UBE2QL1: variants seen among roughly 807,000 people sequenced by gnomAD.
UBE2QL1 encodes the protein ubiquitin-conjugating enzyme E2Q-like protein 1.
UBE2QL1 carries 5 observed loss-of-function variants against 12.6 expected under a neutral mutation model. The observed-to-expected ratio is 0.40, with a 90% confidence interval of 0.21 to 0.83. The LOEUF is 0.83. Ranked by LOEUF, UBE2QL1 falls within the 40% of genes least tolerant of loss-of-function variation. The pLI is 0.37. For synonymous variants in UBE2QL1, 96 were observed against 94.5 expected (o/e 1.02, Z -0.10); for missense variants, 99 against 222.6 (o/e 0.44, Z 3.53).
intron 1 of UBE2QL1, among the ~76,000 whole-genome samples, chr5:6,450,684 GA>G (rs1221524154): frequency 6.6e-6 from 1 of 152,136 alleles, no homozygotes; most frequent in Non-Finnish European, 1.5e-5. Context: ...GAACCCCTGG[GA>G]TTCCAAACAA....
At position 6,491,343 on chromosome 5, in the gene UBE2QL1, C is replaced by T. The variant is rs1734565138; in HGVS notation, c.480C>T (p.Asp160=). ...GTTGGGTCACCCCGCCCGTGTCCGA[C>T]GGCTGATGTCTGCCACGTGCAGTAG... ...KYGWVTPPVS[D]G is the part of the protein sequence containing the mutation. Residue 160 remains aspartate, a synonymous_variant, in exon 2 of 2, where the codon GAC becomes GAT. Coordinates refer to ENST00000399816, the MANE Select transcript of UBE2QL1 (RefSeq NM_001145161.3). 7 of 1,549,898 alleles carry T rather than the reference C, an allele frequency of 4.5e-6. No homozygotes were observed. Among genetic ancestry groups the T allele is most frequent in the Admixed American group, 3.9e-5 (2 of 50,710 alleles).
rs186544187 is a variant in UBE2QL1 at position 6,494,386 on chromosome 5, C to T, written c.*3037C>T. ...CCACTACTCAGAAAAACCAGGGTGT[C>T]GGCTTAAAGTTTTCAGCTCCATCTA... On this transcript the variant is annotated 3_prime_UTR_variant, in exon 2 of 2. Coordinates refer to ENST00000399816, the MANE Select transcript of UBE2QL1 (RefSeq NM_001145161.3). The T allele has an allele frequency of 5.3e-5, 8 of 152,254 alleles. No homozygotes were observed. The South Asian group carries it at 6.2e-4, about 12-fold the overall frequency. 9.4% of individuals were successfully genotyped at this position (152,254 alleles called of 1,614,324 possible).
chr5:6,449,689 A>C (rs1404303507), intron 1 of UBE2QL1, among the ~76,000 whole-genome samples: 28 of 100,258 alleles, frequency 2.8e-4, no homozygotes, highest in Admixed American at 8.4e-4. Context: ...TTCCTTTTTC[A>C]TTTTTTCCTT....
chr5:6,470,037 T>A (rs2126349349), intron 1 of UBE2QL1, among the ~76,000 whole-genome samples: 1 of 152,334 alleles, frequency 6.6e-6, no homozygotes, highest in Admixed American at 6.5e-5. Context: ...GGCCGCAGTG[T>A]TCAGAGCCCA....
In UBE2QL1 at chr5:6,491,769, T is replaced by A. The variant is rs1421131702; in HGVS notation, c.*420T>A. The A allele has an allele frequency of 6.4e-6, 1 of 156,734 alleles. No homozygotes were observed. The highest frequency in any genetic ancestry group is 1.4e-5 in the Non-Finnish European group (1 of 70,840). 9.7% of individuals were successfully genotyped at this position (156,734 alleles called of 1,614,324 possible). A position where few individuals can be genotyped will look rare whatever the true frequency, so the allele number is the denominator to read the frequency against. On this transcript the variant is annotated 3_prime_UTR_variant, in exon 2 of 2. Transcript: ENST00000399816. ...ATATTTCACAGGGACGCCGTGCATCTCCGCCGTGCGTCCCCGGCACGTGTT... is the reference window on the plus strand; with the variant it reads ...ATATTTCACAGGGACGCCGTGCATCACCGCCGTGCGTCCCCGGCACGTGTT...
chr5:6,458,628 T>G (rs1468226692), intron 1 of UBE2QL1, among the ~76,000 whole-genome samples: 1 of 152,226 alleles, frequency 6.6e-6, no homozygotes, highest in Non-Finnish European at 1.5e-5. Flanking sequence ...TGTCAGGAAT[T>G]GGATATAACT....
chr5:6,489,980 T>C (rs768898008), intron 1 of UBE2QL1, among the ~76,000 whole-genome samples: 1 of 152,220 alleles, frequency 6.6e-6, no homozygotes, highest in Non-Finnish European at 1.5e-5. Context: ...TCGCGAAGGT[T>C]CCTGAACAGC....
chr5:6,467,044 C>G (rs1739811709), intron 1 of UBE2QL1, among the ~76,000 whole-genome samples: 1 of 152,122 alleles, frequency 6.6e-6, no homozygotes. Flanking sequence ...TTAGGGGTGT[C>G]ATTTAAATAA....
At chr5:6,473,947 C>T (rs1734156301) in intron 1 of UBE2QL1, among the ~76,000 whole-genome samples, 1 of 152,212 alleles carries the variant, frequency 6.6e-6, no homozygotes, top group African/African-American at 2.4e-5. Context: ...TGACTTACTT[C>T]TTAGCTCCCT....
In UBE2QL1 at chr5:6,495,444, C is replaced by T. The variant is rs883526; in HGVS notation, c.*4095C>T. Among the ~76,000 whole-genome samples, 5 of 152,080 alleles carry T rather than the reference C, an allele frequency of 3.3e-5. No homozygotes were observed. The highest frequency in any genetic ancestry group is 2.1e-4 in the South Asian group (1 of 4,828). On this transcript the variant is annotated 3_prime_UTR_variant, in exon 2 of 2. Coordinates refer to ENST00000399816, the MANE Select transcript of UBE2QL1 (RefSeq NM_001145161.3). Reference sequence around the variant, plus strand: ...TTTACACCCTCTGCAGTGAAGGAGGCGAGCCCAGAGACTTTGAGGGGCTTG... The same window carrying T: ...TTTACACCCTCTGCAGTGAAGGAGGTGAGCCCAGAGACTTTGAGGGGCTTG...
At chr5:6,449,501 G>A (rs1412730481) in intron 1 of UBE2QL1, among the ~76,000 whole-genome samples, 1 of 148,976 alleles carries the variant, frequency 6.7e-6, no homozygotes, top group Non-Finnish European at 1.5e-5. Flanking sequence ...CGTCTCTCTG[G>A]TATCGGTCTC....
intron 1 of UBE2QL1, among the ~76,000 whole-genome samples, chr5:6,465,717 C>G (rs563645625): frequency 6.6e-6 from 1 of 152,292 alleles, no homozygotes; most frequent in East Asian, 1.9e-4. Flanking sequence ...GGGATGACCC[C>G]TCGCTCACTT....
At chr5:6,483,730 AG>A (rs1483841057) in intron 1 of UBE2QL1, among the ~76,000 whole-genome samples, 1 of 152,198 alleles carries the variant, frequency 6.6e-6, no homozygotes, top group Non-Finnish European at 1.5e-5. Flanking sequence ...AAGTGGGAGC[AG>A]GGCCATGGAG....
chr5:6,459,557 G>T (rs141737327), intron 1 of UBE2QL1, among the ~76,000 whole-genome samples: 1 of 152,038 alleles, frequency 6.6e-6, no homozygotes, highest in African/African-American at 2.4e-5. Context: ...AACGTCTTTC[G>T]TTGCACAAAA....
At chr5:6,450,576 C>G (rs1341130593) in intron 1 of UBE2QL1, among the ~76,000 whole-genome samples, 1 of 152,226 alleles carries the variant, frequency 6.6e-6, no homozygotes, top group Non-Finnish European at 1.5e-5. Flanking sequence ...TACAGGCGGC[C>G]TATCAGAAGC....
At chr5:6,461,612 A>G (rs956062135) in intron 1 of UBE2QL1, among the ~76,000 whole-genome samples, 2 of 142,470 alleles carry the variant, frequency 1.4e-5, no homozygotes, top group African/African-American at 2.6e-5. Context: ...GCCTGCAATG[A>G]TATCTAAATC....
At chr5:6,465,873 C>T (rs1274745213) in intron 1 of UBE2QL1, among the ~76,000 whole-genome samples, 6 of 152,230 alleles carry the variant, frequency 3.9e-5, no homozygotes, top group Admixed American at 3.9e-4. Flanking sequence ...TTCTGCATTT[C>T]CACGTTTGCT....
At position 6,493,699 on chromosome 5, in the gene UBE2QL1, A is replaced by T. The variant is rs1375811097; in HGVS notation, c.*2350A>T. On this transcript the variant is annotated 3_prime_UTR_variant, in exon 2 of 2. Coordinates refer to ENST00000399816, the MANE Select transcript of UBE2QL1 (RefSeq NM_001145161.3). ...TTCACTCAATTGGTAAGAATTTTTC[A>T]TTTTAAAAGCAGTAGGAAGTGATGT... 6.7e-6 allele frequency: 1 copy of T among 149,912 alleles called. No individual in the cohort carries two copies. Among genetic ancestry groups the T allele is most frequent in the African/African-American group, 2.5e-5 (1 of 39,266 alleles). 9.3% of individuals were successfully genotyped at this position (149,912 alleles called of 1,614,324 possible). A position where few individuals can be genotyped will look rare whatever the true frequency, so the allele number is the denominator to read the frequency against.
chr5:6,469,216 A>G (rs998870501), intron 1 of UBE2QL1, among the ~76,000 whole-genome samples: 9 of 152,170 alleles, frequency 5.9e-5, no homozygotes, highest in Non-Finnish European at 8.8e-5. Context: ...TCATGTGTCC[A>G]GATGCACAGC....
Sources: allele counts gnomAD v4.1 joint callset (sites outside exome capture counted in the v4.1 genomes callset), GRCh38; gene constraint gnomAD v4.1.1; transcripts MANE v1.5; gene names NCBI Gene and HGNC (gene_info 2026-07-23, HGNC 2026-07-21).